The following TRHDE variants were observed in gnomAD, a reference collection of about 807,000 sequenced individuals.
TRHDE encodes the protein thyrotropin-releasing hormone-degrading ectoenzyme.
A neutral mutation model predicts 125.7 loss-of-function variants in TRHDE; 72 were observed. The ratio of observed to expected loss-of-function variants is 0.57; its 90% CI spans 0.47 to 0.70. The LOEUF (loss-of-function observed/expected upper bound fraction) is 0.70, where lower values mean the gene tolerates loss of function less well. Ranked by LOEUF, TRHDE falls within the 30% of genes least tolerant of loss-of-function variation. The probability of loss-of-function intolerance (pLI) is 0.00; values close to 1 mark genes in which losing one functional copy is unlikely to be tolerated. For synonymous variants in TRHDE, 509 were observed against 509.1 expected (o/e 1.00, Z 0.00); for missense variants, 1,110 against 1,327.1 (o/e 0.84, Z 2.54).
At chr12:72,320,801 G>A (rs1012110767) in intron 2 of TRHDE, among the ~76,000 whole-genome samples, 3 of 152,078 alleles carry the variant, frequency 2.0e-5, no homozygotes, top group Non-Finnish European at 4.4e-5. Context: ...CACCTTTCTT[G>A]GTCTGTTACT....
At chr12:72,641,637 C>G (rs1874066062) in intron 15 of TRHDE, among the ~76,000 whole-genome samples, 1 of 152,094 alleles carries the variant, frequency 6.6e-6, no homozygotes, top group Non-Finnish European at 1.5e-5. Flanking sequence ...TGTATGTTAA[C>G]TTAAACCAGT....
intron 15 of TRHDE, among the ~76,000 whole-genome samples, chr12:72,625,783 C>T (rs61933808): frequency 6.6e-6 from 1 of 151,892 alleles, no homozygotes; most frequent in African/African-American, 2.4e-5. Context: ...CTTTACCCAG[C>T]TTGCCTGCCC....
intron 2 of TRHDE, among the ~76,000 whole-genome samples, chr12:72,203,446 C>A (rs1414175328): frequency 6.6e-6 from 1 of 151,282 alleles, no homozygotes; most frequent in Non-Finnish European, 1.5e-5. Flanking sequence ...CCAGCCTGGG[C>A]GACAGAGCGA....
chr12:72,618,934 T>C lies in TRHDE; in HGVS notation c.2365T>C (p.Tyr789His), dbSNP rs760133481. Residue 789 changes from tyrosine (Y) to histidine (H), a missense_variant, in exon 13 of 19, where the codon TAC (tyrosine) becomes CAC (histidine). Tyr to His is a moderately conservative substitution (Grantham distance 83). This residue lies in a region of TRHDE where 527 missense variants were observed against 651.8 expected (regional missense o/e 0.81). Transcript: ENST00000261180. ...GAATATTCCTCTGGAGATTATCAGA[T>C]ACCTGTCTGAGGAGAAGGATTTTCT... ...PQNIPLEIIR[Y>H]LSEEKDFLPW... The C allele has an allele frequency of 1.3e-6, 2 of 1,587,466 alleles. No homozygotes were observed. The highest frequency in any genetic ancestry group is 1.7e-6 in the Non-Finnish European group (2 of 1,166,310).
intron 2 of TRHDE, among the ~76,000 whole-genome samples, chr12:72,107,000 A>C (rs1055897665): frequency 3.3e-5 from 5 of 152,090 alleles, no homozygotes; most frequent in Non-Finnish European, 7.4e-5. Context: ...GATCAGAGAA[A>C]TATCACTCCA....
At chr12:72,531,120 T>A (rs919712368) in intron 6 of TRHDE, among the ~76,000 whole-genome samples, 2 of 152,154 alleles carry the variant, frequency 1.3e-5, no homozygotes, top group African/African-American at 4.8e-5. Flanking sequence ...CACATCCTCA[T>A]CTGTGCTTAT....
At chr12:72,545,320 T>G (rs1193669270) in intron 7 of TRHDE, among the ~76,000 whole-genome samples, 1 of 151,518 alleles carries the variant, frequency 6.6e-6, no homozygotes, top group African/African-American at 2.4e-5. Flanking sequence ...GGAGAAATAA[T>G]TCTCATTTCT....
intron 2 of TRHDE, chr12:72,258,044 T>C (rs1403052973): frequency 6.6e-6 from 1 of 152,004 alleles, no homozygotes; most frequent in Non-Finnish European, 1.5e-5. Context: ...GAAGGGTAAA[T>C]GTATAGTTAC....
At chr12:72,516,985 G>T (rs1878900459) in intron 6 of TRHDE, among the ~76,000 whole-genome samples, 1 of 151,978 alleles carries the variant, frequency 6.6e-6, no homozygotes, top group Non-Finnish European at 1.5e-5. Flanking sequence ...TGCATCCCAG[G>T]GATGAAGCCC....
chr12:72,142,826 T>C (rs1300582837), intron 2 of TRHDE, among the ~76,000 whole-genome samples: 1 of 152,044 alleles, frequency 6.6e-6, no homozygotes, highest in Admixed American at 6.6e-5. Context: ...AGAGTCCGGC[T>C]GCTGGGCGGC....
chr12:72,454,409 T>C (rs1875737630), intron 3 of TRHDE, among the ~76,000 whole-genome samples: 1 of 152,208 alleles, frequency 6.6e-6, no homozygotes, highest in Admixed American at 6.5e-5. Flanking sequence ...GGTGCTGTCA[T>C]GTGTCCTTTT....
At chr12:72,660,478 C>T (rs534019376) in intron 18 of TRHDE, among the ~76,000 whole-genome samples, 2 of 152,112 alleles carry the variant, frequency 1.3e-5, no homozygotes, top group Non-Finnish European at 2.9e-5. Flanking sequence ...CTGGCATTAC[C>T]GCTTGACCAA....
intron 2 of TRHDE, among the ~76,000 whole-genome samples, chr12:72,237,492 A>T (rs1180265090): frequency 6.6e-6 from 1 of 152,216 alleles, no homozygotes; most frequent in Non-Finnish European, 1.5e-5. Context: ...AAAATATAAT[A>T]AAATATTGAA....
chr12:72,151,852 G>T (rs1319566494), intron 2 of TRHDE, among the ~76,000 whole-genome samples: 4 of 145,578 alleles, frequency 2.7e-5, no homozygotes, highest in Non-Finnish European at 6.1e-5. Context: ...TTTGTTCTTT[G>T]GGCTTAGGAT....
At chr12:72,635,877 C>G (rs979117676) in intron 15 of TRHDE, among the ~76,000 whole-genome samples, 1 of 152,148 alleles carries the variant, frequency 6.6e-6, no homozygotes, top group African/African-American at 2.4e-5. Flanking sequence ...TGTTTTGGTA[C>G]CAGTACCATG....
chr12:72,366,982 A>G (rs1871363481), intron 2 of TRHDE, among the ~76,000 whole-genome samples: 1 of 152,094 alleles, frequency 6.6e-6, no homozygotes, highest in South Asian at 2.1e-4. Context: ...AGATTCACCA[A>G]GAGGCTTTGA....
chr12:72,103,890 C>A (rs953575787), intron 1 of TRHDE, among the ~76,000 whole-genome samples: 4 of 152,090 alleles, frequency 2.6e-5, no homozygotes, highest in Admixed American at 2.6e-4. Flanking sequence ...TTCTGCCTCT[C>A]CAGTGTCAAA....
At chr12:72,632,390 G>A (rs892026934) in intron 15 of TRHDE, among the ~76,000 whole-genome samples, 1 of 151,930 alleles carries the variant, frequency 6.6e-6, no homozygotes, top group African/African-American at 2.4e-5. Flanking sequence ...GAGTTGAAAA[G>A]CCAAGGATAA....
At chr12:72,111,643 A>G (rs534354385) in intron 2 of TRHDE, among the ~76,000 whole-genome samples, 7 of 152,306 alleles carry the variant, frequency 4.6e-5, no homozygotes, top group Non-Finnish European at 7.4e-5. Context: ...CAGAAGGGAA[A>G]TAGATTTCTG....
Sources: allele counts gnomAD v4.1 joint callset (sites outside exome capture counted in the v4.1 genomes callset), GRCh38; gene constraint gnomAD v4.1.1; regional missense constraint gnomAD v4.1.1; transcripts MANE v1.5; gene names NCBI Gene and HGNC (gene_info 2026-07-23, HGNC 2026-07-21).